The following PAK1 variants were observed in gnomAD, a reference collection of about 807,000 sequenced individuals.
PAK1 encodes p21 (RAC1) activated kinase 1, also known as serine/threonine-protein kinase PAK 1.
Under a neutral mutation model 67.4 loss-of-function variants are expected in PAK1, and 29 were observed. The ratio of observed to expected loss-of-function variants is 0.43; its 90% confidence interval spans 0.32 to 0.59. The LOEUF (loss-of-function observed/expected upper bound fraction) is 0.59. PAK1 is among the 20% of genes least tolerant of loss of function. The pLI is 0.07. For synonymous variants in PAK1, 223 were observed against 237.4 expected, an observed-to-expected ratio of 0.94 and a Z score of 0.56; for missense variants, 337 against 670.7, an observed-to-expected ratio of 0.50 and a Z score of 5.50.
intron 5 of PAK1, 41 bp downstream of exon 5, chr11:77,374,287 C>T: frequency 7.3e-7 from 1 of 1,366,356 alleles, no homozygotes; most frequent in Non-Finnish European, 1.0e-6. Context: ...ATCCTTACCT[C>T]CACATCTGCC....
At chr11:77,510,001 G>A in the PAK1 span, among the ~76,000 whole-genome samples, 1 of 152,196 alleles carries the variant, frequency 6.6e-6, no homozygotes, top group African/African-American at 2.4e-5. Context: ...TAGACTCTCT[G>A]TTATCAGATC....
intron 11 of PAK1, among the ~76,000 whole-genome samples, chr11:77,337,724 G>T (rs1942942694): frequency 6.6e-6 from 1 of 151,994 alleles, no homozygotes; most frequent in Non-Finnish European, 1.5e-5. Flanking sequence ...AGGACCTAAG[G>T]CCCAAGAGAA....
intron 4 of PAK1, among the ~76,000 whole-genome samples, chr11:77,374,620 T>C (rs537008094): frequency 6.6e-6 from 1 of 152,286 alleles, no homozygotes; most frequent in South Asian, 2.1e-4. Context: ...TTAAGTACAG[T>C]TGGGTGTGGC....
At chr11:77,520,037 C>T in the PAK1 span, among the ~76,000 whole-genome samples, 3 of 152,218 alleles carry the variant, frequency 2.0e-5, no homozygotes, top group Non-Finnish European at 2.9e-5. Flanking sequence ...CCCCATTCCC[C>T]CAGTGCACAT....
At chr11:77,398,620 T>C (rs550273065) in intron 1 of PAK1, among the ~76,000 whole-genome samples, 1 of 152,358 alleles carries the variant, frequency 6.6e-6, no homozygotes, top group South Asian at 2.1e-4. Context: ...ATCTCAGCTA[T>C]CTTGAACAGT....
chr11:77,404,271 C>CTT (rs879910147), intron 1 of PAK1, among the ~76,000 whole-genome samples: 4 of 146,142 alleles, frequency 2.7e-5, no homozygotes, highest in African/African-American at 1.0e-4. Context: ...CTTTTTCTTT[C>CTT]TTTTTTTTTT....
At chr11:77,365,607 C>T (rs1231734597) in intron 5 of PAK1, among the ~76,000 whole-genome samples, 2 of 151,902 alleles carry the variant, frequency 1.3e-5, no homozygotes, top group Admixed American at 6.6e-5. Context: ...CTGAGGCAGG[C>T]GGATCACTTG....
chr11:77,377,450 A>G (rs2137042007), intron 4 of PAK1, among the ~76,000 whole-genome samples: 1 of 152,282 alleles, frequency 6.6e-6, no homozygotes, highest in South Asian at 2.1e-4. Flanking sequence ...ATATATATAC[A>G]TGTGCACAAA....
At chr11:77,498,691 A>T in the PAK1 span, among the ~76,000 whole-genome samples, 16 of 72,048 alleles carry the variant, frequency 2.2e-4, no homozygotes, top group East Asian at 4.8e-4. Flanking sequence ...CTTGCTTGTA[A>T]TTTTTTTTTT....
At chr11:77,508,926 T>C in the PAK1 span, among the ~76,000 whole-genome samples, 142,413 of 142,456 alleles carry the variant, frequency 1, 71,185 homozygotes, top group Middle Eastern at 1. Context: ...TCCCAAAGTG[T>C]TGGGATTACA....
chr11:77,427,249 T>A (rs1376401699), intron 1 of PAK1, among the ~76,000 whole-genome samples: 1 of 152,146 alleles, frequency 6.6e-6, no homozygotes, highest in African/African-American at 2.4e-5. Context: ...GAGACACATA[T>A]CACAATGCTG....
At chr11:77,482,206 C>G in the PAK1 span, among the ~76,000 whole-genome samples, 1 of 151,928 alleles carries the variant, frequency 6.6e-6, no homozygotes, top group South Asian at 2.1e-4. Flanking sequence ...TCAGGCTGGT[C>G]TCGAACTCCT....
At chr11:77,420,767 C>G (rs1268514452) in intron 1 of PAK1, among the ~76,000 whole-genome samples, 1 of 152,160 alleles carries the variant, frequency 6.6e-6, no homozygotes, top group Non-Finnish European at 1.5e-5. Flanking sequence ...TTGCTCTGCT[C>G]CCCAGGGGAT....
chr11:77,506,701 G>A, the PAK1 span, among the ~76,000 whole-genome samples: 1 of 152,110 alleles, frequency 6.6e-6, no homozygotes, highest in Non-Finnish European at 1.5e-5. Context: ...AATCAGAATA[G>A]TCAACATATG....
the PAK1 span, among the ~76,000 whole-genome samples, chr11:77,519,678 C>T: frequency 6.6e-6 from 1 of 152,074 alleles, no homozygotes; most frequent in Admixed American, 6.5e-5. Flanking sequence ...AGCTGGGATT[C>T]GTCTGTAAAG....
the PAK1 span, among the ~76,000 whole-genome samples, chr11:77,492,729 G>A: frequency 6.6e-6 from 1 of 152,052 alleles, no homozygotes; most frequent in Non-Finnish European, 1.5e-5. Context: ...GAGGGGCCTG[G>A]TGGGAGGTAT....
chr11:77,331,437 A>G (rs1482566243), intron 14 of PAK1, among the ~76,000 whole-genome samples: 1 of 152,252 alleles, frequency 6.6e-6, no homozygotes, highest in African/African-American at 2.4e-5. Context: ...CATATACACC[A>G]TGGAATACTA....
the PAK1 span, among the ~76,000 whole-genome samples, chr11:77,510,315 G>A: frequency 1.3e-5 from 2 of 152,256 alleles, no homozygotes; most frequent in East Asian, 1.9e-4. Flanking sequence ...GTGGTGATAC[G>A]TGTGACTGCC....
At chr11:77,478,390 A>G (rs78415151), upstream of PAK1, among the ~76,000 whole-genome samples, 362 of 152,238 alleles carry the variant, frequency 2.4e-3, 9 homozygotes, top group East Asian at 0.047. Context: ...AGATGTTCTA[A>G]GCTCTTCTTA....
Sources: allele counts gnomAD v4.1 joint callset (sites outside exome capture counted in the v4.1 genomes callset), GRCh38; gene constraint gnomAD v4.1.1; transcripts MANE v1.5; gene names NCBI Gene and HGNC (gene_info 2026-07-23, HGNC 2026-07-21).